The following FAM83B variants were observed in gnomAD, a reference collection of about 807,000 sequenced individuals.
The protein encoded by FAM83B is protein FAM83B.
FAM83B carries 26 observed loss-of-function variants against 38.8 expected under a neutral mutation model. The ratio of observed to expected loss-of-function variants is 0.67; its 90% CI spans 0.49 to 0.93. The LOEUF (loss-of-function observed/expected upper bound fraction) is 0.93. FAM83B is among the 40% of genes least tolerant of loss of function. The pLI, the probability that FAM83B is intolerant of heterozygous loss-of-function variation, is 0.00. For synonymous variants in FAM83B, 419 were observed against 423.1 expected, an observed-to-expected ratio of 0.99 and a Z score of 0.12; for missense variants, 1,237 against 1,197.3, an observed-to-expected ratio of 1.03 and a Z score of -0.49.
intron 2 of FAM83B, among the ~76,000 whole-genome samples, chr6:54,885,029 C>T (rs1772241563): frequency 6.6e-6 from 1 of 152,174 alleles, no homozygotes; most frequent in African/African-American, 2.4e-5. Context: ...GCCTCGGCCT[C>T]CCAAAGTGCT....
intron 2 of FAM83B, among the ~76,000 whole-genome samples, chr6:54,911,019 G>T (rs1438900304): frequency 2.0e-5 from 3 of 151,920 alleles, no homozygotes; most frequent in South Asian, 2.1e-4. Context: ...GAAAGGAAAA[G>T]AATCACTTTT....
At chr6:54,883,892 G>A (rs1772201532) in intron 2 of FAM83B, among the ~76,000 whole-genome samples, 1 of 151,856 alleles carries the variant, frequency 6.6e-6, no homozygotes, top group African/African-American at 2.4e-5. Context: ...ACTTGCAGCT[G>A]AGTGCAGTGG....
intron 2 of FAM83B, among the ~76,000 whole-genome samples, chr6:54,875,777 A>G (rs1021229195): frequency 1.3e-5 from 2 of 151,974 alleles, no homozygotes; most frequent in Non-Finnish European, 2.9e-5. Context: ...GGAAAGAGAC[A>G]GGAGAGGAGG....
At chr6:54,877,613 G>A (rs894545440) in intron 2 of FAM83B, among the ~76,000 whole-genome samples, 2 of 152,162 alleles carry the variant, frequency 1.3e-5, no homozygotes, top group Admixed American at 6.5e-5. Context: ...TTTATATTAT[G>A]CAATTTAGTA....
chr6:54,855,171 A>G (rs997809275), intron 1 of FAM83B, among the ~76,000 whole-genome samples: 2 of 152,228 alleles, frequency 1.3e-5, no homozygotes, highest in African/African-American at 4.8e-5. Flanking sequence ...GAAACTGCAT[A>G]TTGACATGCT....
At chr6:54,924,524 T>C (rs200176909) in intron 2 of FAM83B, among the ~76,000 whole-genome samples, 2 of 151,636 alleles carry the variant, frequency 1.3e-5, no homozygotes, top group African/African-American at 4.8e-5. Context: ...GGCCTAGCAG[T>C]AGGATTTGAA....
intron 1 of FAM83B, among the ~76,000 whole-genome samples, chr6:54,853,895 C>T (rs1024101847): frequency 2.6e-5 from 4 of 152,206 alleles, no homozygotes; most frequent in African/African-American, 9.6e-5. Context: ...AAAGAAATCA[C>T]CATTCTACAT....
At chr6:54,889,221 C>A (rs531479018) in intron 2 of FAM83B, among the ~76,000 whole-genome samples, 1 of 152,028 alleles carries the variant, frequency 6.6e-6, no homozygotes, top group African/African-American at 2.4e-5. Context: ...TCTGCATTAC[C>A]TGTAAGCCTG....
chr6:54,922,693 G>A (rs1773197801), intron 2 of FAM83B, among the ~76,000 whole-genome samples: 1 of 151,954 alleles, frequency 6.6e-6, no homozygotes, highest in South Asian at 2.1e-4. Context: ...CAGGTAGTTT[G>A]AAGAATGTTA....
rs1480683635 is a variant in FAM83B at position 54,928,598 on chromosome 6, G to A, written c.734+966G>A. Among the ~76,000 whole-genome samples, 3 of 152,048 alleles carry A rather than the reference G, an allele frequency of 2.0e-5. No individual in the cohort carries two copies. In the East Asian group the frequency reaches 5.8e-4, roughly 29 times the overall value. On this transcript the variant is annotated intron_variant, in intron 4 of 4. Transcript: ENST00000306858. ...AAACATGCTGTTTGGAGTTCCAAAT[G>A]AAAACATATTAACAGCAGAAAATAC...
intron 4 of FAM83B, among the ~76,000 whole-genome samples, chr6:54,931,679 T>A (rs1231176404): frequency 6.6e-6 from 1 of 152,106 alleles, no homozygotes; most frequent in East Asian, 1.9e-4. Context: ...TACTTTTAGC[T>A]TATGTATGTC....
Position 54,887,845 on chromosome 6 carries a change from T to C in FAM83B, c.444+17155T>C, listed in dbSNP as rs77453179. Among the ~76,000 whole-genome samples the C allele has an allele frequency of 2.0e-4, 31 of 151,952 alleles. No individual in the cohort carries two copies. In the East Asian group the frequency reaches 6.0e-3, roughly 29 times the overall value. On this transcript the variant is annotated intron_variant, in intron 2 of 4. Transcript: ENST00000306858. ...TGTATGCTATATATTTTCATCCCTA[T>C]ATGTTCAACTTTTCTCTGTATGATT...
In FAM83B at chr6:54,860,291, G is replaced by A. The variant is rs559597151; in HGVS notation, c.-60-9896G>A. On this transcript the variant is annotated intron_variant, in intron 1 of 4. Coordinates refer to ENST00000306858, the MANE Select transcript of FAM83B (RefSeq NM_001010872.3). ...GAAAAAAAATGAAGCTGGAGAGTCTGGGTTGGTAAACACATTGACTTGCTG... is the reference window on the plus strand; with the variant it reads ...GAAAAAAAATGAAGCTGGAGAGTCTAGGTTGGTAAACACATTGACTTGCTG... Among the ~76,000 whole-genome samples, 212 of 152,238 alleles carry A rather than the reference G, an allele frequency of 1.4e-3. 1 individual carries two copies. The highest frequency in any genetic ancestry group is 4.8e-3 in the African/African-American group (201 of 41,550).
chr6:54,887,563 T>C (rs1336352136), intron 2 of FAM83B, among the ~76,000 whole-genome samples: 1 of 152,112 alleles, frequency 6.6e-6, no homozygotes, highest in Non-Finnish European at 1.5e-5. Flanking sequence ...TTATCAATGG[T>C]TATGGACCTT....
intron 2 of FAM83B, among the ~76,000 whole-genome samples, chr6:54,892,993 G>C (rs2816811): frequency 0.62 from 94,767 of 151,786 alleles, 31,619 homozygotes; most frequent in East Asian, 0.86. Flanking sequence ...GACTCAGCAG[G>C]TTATATAGAG....
At chr6:54,876,272 G>A (rs1396187753) in intron 2 of FAM83B, among the ~76,000 whole-genome samples, 1 of 122,122 alleles carries the variant, frequency 8.2e-6, no homozygotes, top group Non-Finnish European at 1.7e-5. Flanking sequence ...AAGTTATTTA[G>A]GAGTGCATAT....
intron 2 of FAM83B, among the ~76,000 whole-genome samples, chr6:54,871,877 G>A (rs1392388559): frequency 4.7e-5 from 7 of 150,376 alleles, no homozygotes; most frequent in South Asian, 2.1e-4. Flanking sequence ...AAGCACACAC[G>A]CATGACATTG....
At chr6:54,868,692 C>T (rs1234866303) in intron 1 of FAM83B, among the ~76,000 whole-genome samples, 1 of 152,152 alleles carries the variant, frequency 6.6e-6, no homozygotes, top group Non-Finnish European at 1.5e-5. Context: ...AGTTCAGATG[C>T]TGCACTGTGG....
intron 2 of FAM83B, among the ~76,000 whole-genome samples, chr6:54,919,551 G>A (rs1773124583): frequency 6.6e-6 from 1 of 151,880 alleles, no homozygotes; most frequent in African/African-American, 2.4e-5. Context: ...AAAAGGCTAT[G>A]TACAATGTAC....
Sources: allele counts gnomAD v4.1 joint callset (sites outside exome capture counted in the v4.1 genomes callset), GRCh38; gene constraint gnomAD v4.1.1; transcripts MANE v1.5; gene names NCBI Gene and HGNC (gene_info 2026-07-23, HGNC 2026-07-21).